STK32B: variants seen among roughly 807,000 people sequenced by gnomAD.
STK32B encodes the protein serine/threonine-protein kinase 32B.
In STK32B, 43 loss-of-function variants were observed where a neutral mutation model predicts 52.6. The observed-to-expected ratio is 0.82, with a 90% CI of 0.64 to 1.05. STK32B has a LOEUF of 1.05. STK32B is among the 50% of genes least tolerant of loss of function. The pLI is 0.00. For synonymous variants in STK32B, 238 were observed against 204.3 expected (o/e 1.17, Z -1.41); for missense variants, 621 against 534.6 (o/e 1.16, Z -1.59).
rs1336093039 is a variant in STK32B at position 5,470,086 on chromosome 4, C to CAGAACATGCTTCAATTTGGATTCTTCCTT, written c.1106+2017_1106+2045dup. 1.1e-4 allele frequency among the ~76,000 whole-genome samples: 17 copies of CAGAACATGCTTCAATTTGGATTCTTCCTT among 152,278 alleles called. No individual in the cohort carries two copies. Among genetic ancestry groups the CAGAACATGCTTCAATTTGGATTCTTCCTT allele is most frequent in the Admixed American group, 3.9e-4 (6 of 15,298 alleles). On this transcript the variant is annotated intron_variant, in intron 11 of 11. Coordinates refer to ENST00000282908, the MANE Select transcript of STK32B (RefSeq NM_018401.3). This position sits in a 1 kb window ranked among gnomAD's most constrained non-coding sequence, Gnocchi z 4.6. The stretch of plus-strand genomic sequence containing the variant: ...TCTCATTTCACCTTTTGCTGTGTGC[C>CAGAACATGCTTCAATTTGGATTCTTCCTT]AGAACATGCTTCAATTTGGATTCTT...
At chr4:5,173,320 C>A (rs1203538731) in intron 3 of STK32B, among the ~76,000 whole-genome samples, 1 of 152,034 alleles carries the variant, frequency 6.6e-6, no homozygotes, top group African/African-American at 2.4e-5. Flanking sequence ...CTGCTCTGAT[C>A]TTAGTTATTT....
At chr4:5,456,745 A>G in intron 7 of STK32B, 62 bp from the exon 8 acceptor site, 1 of 1,380,790 alleles carries the variant, frequency 7.2e-7, no homozygotes, top group Non-Finnish European at 9.9e-7. Flanking sequence ...ACAATCTTAA[A>G]ATGCGGACGG....
At chr4:5,341,833 G>C (rs1036096127) in intron 4 of STK32B, among the ~76,000 whole-genome samples, 1 of 152,144 alleles carries the variant, frequency 6.6e-6, no homozygotes, top group African/African-American at 2.4e-5. Flanking sequence ...AAAGGAGACA[G>C]GGGAGGTGCT....
intron 5 of STK32B, among the ~76,000 whole-genome samples, chr4:5,412,159 G>A (rs913712624): frequency 2.0e-5 from 3 of 152,264 alleles, no homozygotes; most frequent in Middle Eastern, 3.4e-3. Flanking sequence ...ATTGATTATC[G>A]ATACTCCATT....
At chr4:5,214,593 A>C (rs1562429) in intron 3 of STK32B, among the ~76,000 whole-genome samples, 91,366 of 151,984 alleles carry the variant, frequency 0.6, 29,693 homozygotes, top group East Asian at 0.8. Flanking sequence ...TATTTGTCCA[A>C]CCCTGCACTA....
intron 3 of STK32B, among the ~76,000 whole-genome samples, chr4:5,281,093 C>T (rs1481396978): frequency 6.6e-6 from 1 of 151,920 alleles, no homozygotes; most frequent in Non-Finnish European, 1.5e-5. Flanking sequence ...TATGACAGAG[C>T]AGGAGAGAGA....
intron 6 of STK32B, chr4:5,438,177 C>T (rs1484106694): frequency 1.3e-5 from 13 of 965,928 alleles, no homozygotes; most frequent in African/African-American, 1.8e-5. Context: ...TGAAGGGACT[C>T]CTTTTCTCTC....
intron 6 of STK32B, among the ~76,000 whole-genome samples, chr4:5,425,725 A>G (rs371488278): frequency 1.2e-4 from 18 of 152,186 alleles, no homozygotes; most frequent in Non-Finnish European, 1.9e-4. Flanking sequence ...ACAAACACAT[A>G]CAGTCATAGA....
chr4:5,165,400 T>C (rs1325800895), intron 2 of STK32B, among the ~76,000 whole-genome samples: 2 of 152,206 alleles, frequency 1.3e-5, no homozygotes, highest in African/African-American at 4.8e-5. Context: ...AAAATGTCTC[T>C]GAGCTGAGGT....
chr4:5,059,007 T>C (rs1178860726), intron 1 of STK32B, among the ~76,000 whole-genome samples: 33 of 143,258 alleles, frequency 2.3e-4, no homozygotes, highest in Non-Finnish European at 3.0e-5. Flanking sequence ...CACCTTGGCC[T>C]CCCAAAGTTC....
At chr4:5,483,987 T>G (rs1020571971) in intron 11 of STK32B, among the ~76,000 whole-genome samples, 2 of 152,340 alleles carry the variant, frequency 1.3e-5, no homozygotes, top group East Asian at 3.9e-4. Flanking sequence ...TTACATTTGC[T>G]GAGGAGTGCT....
At chr4:5,348,891 A>G (rs536111112) in intron 4 of STK32B, among the ~76,000 whole-genome samples, 3 of 150,268 alleles carry the variant, frequency 2.0e-5, no homozygotes, top group African/African-American at 7.4e-5. Flanking sequence ...GCACCTTAAC[A>G]CTCCTTCCAG....
chr4:5,282,025 T>A (rs1435323283), intron 3 of STK32B, among the ~76,000 whole-genome samples: 1 of 152,196 alleles, frequency 6.6e-6, no homozygotes, highest in African/African-American at 2.4e-5. Flanking sequence ...AATGTGAGGT[T>A]TTGATATATG....
At chr4:5,191,428 AT>A (rs562029885) in intron 3 of STK32B, among the ~76,000 whole-genome samples, 2 of 151,592 alleles carry the variant, frequency 1.3e-5, no homozygotes, top group African/African-American at 4.8e-5. Flanking sequence ...TTTTTGTTGT[AT>A]TTTTTTAGTA....
intron 1 of STK32B, among the ~76,000 whole-genome samples, chr4:5,105,604 C>T (rs901855025): frequency 3.3e-5 from 5 of 151,976 alleles, no homozygotes; most frequent in African/African-American, 1.2e-4. Context: ...CGCACTCTCA[C>T]CCAGGCTGGA....
At chr4:5,272,382 T>C (rs1168655674) in intron 3 of STK32B, among the ~76,000 whole-genome samples, 2 of 145,542 alleles carry the variant, frequency 1.4e-5, no homozygotes, top group Admixed American at 6.9e-5. Context: ...ATAAGCTTTT[T>C]GATGTGCTGC....
At chr4:5,078,961 T>C (rs1712244550) in intron 1 of STK32B, among the ~76,000 whole-genome samples, 1 of 152,228 alleles carries the variant, frequency 6.6e-6, no homozygotes, top group African/African-American at 2.4e-5. Flanking sequence ...AAAGTAAAAT[T>C]GTTTTTTTAT....
At chr4:5,334,870 T>C (rs576079042) in intron 4 of STK32B, among the ~76,000 whole-genome samples, 1 of 152,162 alleles carries the variant, frequency 6.6e-6, no homozygotes, top group East Asian at 1.9e-4. Context: ...GCTGCTGGAT[T>C]CGGTTTGCCA....
intron 4 of STK32B, among the ~76,000 whole-genome samples, chr4:5,367,014 G>T (rs967610509): frequency 6.6e-6 from 1 of 151,964 alleles, no homozygotes; most frequent in Non-Finnish European, 1.5e-5. Context: ...AGTAGTGAAG[G>T]GAGTTTAAAC....
Sources: allele counts gnomAD v4.1 joint callset (sites outside exome capture counted in the v4.1 genomes callset), GRCh38; gene constraint gnomAD v4.1.1; non-coding constraint Gnocchi (gnomAD v3.1); transcripts MANE v1.5; gene names NCBI Gene and HGNC (gene_info 2026-07-23, HGNC 2026-07-21).